PPP3CA: variants seen among roughly 807,000 people sequenced by gnomAD.
PPP3CA encodes CAM-PRP catalytic subunit.
A neutral mutation model predicts 66.5 loss-of-function variants in PPP3CA; 14 were observed. The ratio of observed to expected loss-of-function variants is 0.21; its 90% CI spans 0.14 to 0.33. PPP3CA has a LOEUF of 0.33. Among genes scored for constraint, PPP3CA ranks in the 10% least tolerant of loss-of-function variants. PPP3CA has a pLI of 1.00. For synonymous variants in PPP3CA, 232 were observed against 226.2 expected (o/e 1.03, Z -0.23); for missense variants, 317 against 639.5 (o/e 0.50, Z 5.44).
intron 1 of PPP3CA, among the ~76,000 whole-genome samples, chr4:101,271,519 C>A (rs1727336209): frequency 6.6e-6 from 1 of 151,984 alleles, no homozygotes; most frequent in Non-Finnish European, 1.5e-5. Flanking sequence ...ATGGGTAAGC[C>A]AGTACAGTAA....
rs143108635 is a variant in PPP3CA, at chr4:101,183,429, A to C, written c.259+12487T>G. Among the ~76,000 whole-genome samples, 19 of 152,300 alleles carry C rather than the reference A, an allele frequency of 1.2e-4. No homozygotes were observed. In the East Asian group the frequency reaches 3.7e-3, roughly 29 times the overall value. ...AGTGATAGAGGAAACTAAGAAATTTAGTCTTCAGCTGAGTGGCCATGTGTA... is the reference window on the plus strand; with the variant it reads ...AGTGATAGAGGAAACTAAGAAATTTCGTCTTCAGCTGAGTGGCCATGTGTA... On this transcript the variant is annotated intron_variant, in intron 2 of 13. Coordinates refer to ENST00000394854, the MANE Select transcript of PPP3CA (RefSeq NM_000944.5).
At chr4:101,112,653 C>T (rs1721711269) in intron 2 of PPP3CA, among the ~76,000 whole-genome samples, 1 of 152,096 alleles carries the variant, frequency 6.6e-6, no homozygotes, top group Non-Finnish European at 1.5e-5. Context: ...TTTTCATAGG[C>T]TACCTTCCTT....
chr4:101,342,826 C>T (rs1351042868), intron 1 of PPP3CA, among the ~76,000 whole-genome samples: 4 of 152,122 alleles, frequency 2.6e-5, no homozygotes, highest in African/African-American at 7.2e-5. Context: ...ACAGTTACTA[C>T]GAATGTGACA....
chr4:101,139,696 GTTTTT>G (rs372257350), intron 2 of PPP3CA, among the ~76,000 whole-genome samples: 5,402 of 98,458 alleles, frequency 0.055, 163 homozygotes, highest in Middle Eastern at 0.18. Context: ...TTTTTTTTGT[GTTTTT>G]TTTTTTTTTT....
At chr4:101,195,846 G>A in intron 2 of PPP3CA, 70 bp downstream of exon 2, 4 of 1,364,526 alleles carry the variant, frequency 2.9e-6, no homozygotes, top group Non-Finnish European at 4.1e-6. Flanking sequence ...TGGTAACTAG[G>A]ACTTTTGATT....
At chr4:101,325,874 A>G (rs1250484087) in intron 1 of PPP3CA, among the ~76,000 whole-genome samples, 1 of 152,206 alleles carries the variant, frequency 6.6e-6, no homozygotes, top group Non-Finnish European at 1.5e-5. Context: ...CAAAGAAAAA[A>G]GAAGAGTAAT....
chr4:101,257,117 C>T (rs943166916), intron 1 of PPP3CA, among the ~76,000 whole-genome samples: 2 of 152,002 alleles, frequency 1.3e-5, no homozygotes, highest in African/African-American at 4.8e-5. Flanking sequence ...CCAAATCATA[C>T]ACTAAGCTCC....
chr4:101,031,616 GA>G (rs1726964760), intron 12 of PPP3CA, among the ~76,000 whole-genome samples: 1 of 152,146 alleles, frequency 6.6e-6, no homozygotes, highest in Non-Finnish European at 1.5e-5. Context: ...TATAGATACA[GA>G]AATTTCCACC....
intron 1 of PPP3CA, among the ~76,000 whole-genome samples, chr4:101,318,573 G>A (rs893919390): frequency 6.6e-6 from 1 of 152,068 alleles, no homozygotes; most frequent in Non-Finnish European, 1.5e-5. Context: ...TATCTGTGTG[G>A]TATTGTGGTA....
intron 8 of PPP3CA, among the ~76,000 whole-genome samples, chr4:101,069,060 G>C (rs1209222498): frequency 6.6e-6 from 1 of 151,972 alleles, no homozygotes; most frequent in African/African-American, 2.4e-5. Context: ...CAAGAGATGG[G>C]GTCTTGCTCT....
chr4:101,208,378 T>C (rs1026719695), intron 1 of PPP3CA, among the ~76,000 whole-genome samples: 1 of 152,150 alleles, frequency 6.6e-6, no homozygotes, highest in African/African-American at 2.4e-5. Flanking sequence ...CACAGCGCAG[T>C]TCCACACCTA....
intron 13 of PPP3CA, among the ~76,000 whole-genome samples, chr4:101,028,438 C>T (rs1056573887): frequency 6.6e-6 from 1 of 152,110 alleles, no homozygotes; most frequent in African/African-American, 2.4e-5. Flanking sequence ...TCTTGATGTC[C>T]CCTGCAGCTC....
intron 1 of PPP3CA, among the ~76,000 whole-genome samples, chr4:101,305,259 T>C (rs1728499014): frequency 6.6e-6 from 1 of 152,230 alleles, no homozygotes; most frequent in Non-Finnish European, 1.5e-5. Flanking sequence ...TTTTTGCTCA[T>C]GTGAATTTTA....
At chr4:101,068,200 C>G (rs562679698) in intron 8 of PPP3CA, among the ~76,000 whole-genome samples, 1 of 152,100 alleles carries the variant, frequency 6.6e-6, no homozygotes, top group Non-Finnish European at 1.5e-5. Flanking sequence ...TGAGAAGAAA[C>G]CGAATGGGGG....
intron 1 of PPP3CA, among the ~76,000 whole-genome samples, chr4:101,318,871 C>G (rs1341906040): frequency 6.6e-6 from 1 of 152,042 alleles, no homozygotes; most frequent in Non-Finnish European, 1.5e-5. Context: ...TCATATTTAA[C>G]TTTGCACAAA....
intron 8 of PPP3CA, among the ~76,000 whole-genome samples, chr4:101,078,706 A>G (rs1396331169): frequency 2.0e-5 from 3 of 152,174 alleles, no homozygotes; most frequent in Non-Finnish European, 4.4e-5. Flanking sequence ...GGTTCTTCAC[A>G]GCTATTTTTC....
chr4:101,098,810 A>C (rs1367703002), intron 4 of PPP3CA, among the ~76,000 whole-genome samples: 2 of 152,164 alleles, frequency 1.3e-5, no homozygotes, highest in Admixed American at 6.5e-5. Flanking sequence ...CTCACCAAAA[A>C]AATGTACATG....
intron 10 of PPP3CA, among the ~76,000 whole-genome samples, chr4:101,041,707 TACA>T (rs1727531000): frequency 6.6e-6 from 1 of 152,170 alleles, no homozygotes; most frequent in Non-Finnish European, 1.5e-5. Flanking sequence ...GTGCTGGGAT[TACA>T]AGTGTGAGCC....
At chr4:101,085,400 C>T (rs769264751) in intron 6 of PPP3CA, among the ~76,000 whole-genome samples, 7 of 152,114 alleles carry the variant, frequency 4.6e-5, no homozygotes, top group East Asian at 3.9e-4. Context: ...AAAATATTTT[C>T]GTCACACTAA....
Sources: allele counts gnomAD v4.1 joint callset (sites outside exome capture counted in the v4.1 genomes callset), GRCh38; gene constraint gnomAD v4.1.1; transcripts MANE v1.5; gene names NCBI Gene and HGNC (gene_info 2026-07-23, HGNC 2026-07-21).